GPAT3: variants seen among roughly 807,000 people sequenced by gnomAD.
GPAT3 encodes glycerol-3-phosphate acyltransferase 3.
Under a neutral mutation model 58.8 loss-of-function variants are expected in GPAT3, and 53 were observed. The observed-to-expected ratio is 0.90, with a 90% CI of 0.72 to 1.13. GPAT3 has a LOEUF of 1.13. GPAT3 is among the 50% of genes most tolerant of loss of function. The pLI is 0.00. For missense variants in GPAT3, 511 were observed against 527.6 expected (o/e 0.97, Z 0.31); for synonymous variants, 197 against 187.4 (o/e 1.05, Z -0.42).
intron 11 of GPAT3, among the ~76,000 whole-genome samples, chr4:83,600,007 T>C (rs1726996398): frequency 6.6e-6 from 1 of 152,188 alleles, no homozygotes; most frequent in South Asian, 2.1e-4. Flanking sequence ...GTCTCTCTCT[T>C]TCTCAAAATA....
intron 2 of GPAT3, among the ~76,000 whole-genome samples, chr4:83,556,741 C>T (rs908557215): frequency 5.6e-5 from 8 of 143,860 alleles, no homozygotes; most frequent in African/African-American, 1.5e-4. Context: ...CTGGAATATG[C>T]AATGATGAAA....
chr4:83,573,012 CAT>C (rs138999319), intron 2 of GPAT3, among the ~76,000 whole-genome samples: 2,007 of 152,238 alleles, frequency 0.013, 46 homozygotes, highest in African/African-American at 0.046. Flanking sequence ...CAGTAATTAA[CAT>C]ATTAACATAT....
At chr4:83,597,758 A>G (rs749709448) in intron 9 of GPAT3, among the ~76,000 whole-genome samples, 2 of 151,444 alleles carry the variant, frequency 1.3e-5, no homozygotes, top group Non-Finnish European at 2.9e-5. Context: ...AGTGAAACAG[A>G]TTCTGTTCCT....
At chr4:83,550,768 T>A (rs1199660255) in intron 2 of GPAT3, among the ~76,000 whole-genome samples, 7 of 152,242 alleles carry the variant, frequency 4.6e-5, no homozygotes, top group African/African-American at 1.2e-4. Context: ...ATTTATTTTT[T>A]AATTTTTTGC....
intron 2 of GPAT3, among the ~76,000 whole-genome samples, chr4:83,575,156 G>A (rs1014392025): frequency 3.3e-5 from 5 of 151,830 alleles, no homozygotes; most frequent in Non-Finnish European, 5.9e-5. Flanking sequence ...GATTACAGGC[G>A]TGAGCCACCG....
At chr4:83,558,381 A>G (rs1488462458) in intron 2 of GPAT3, among the ~76,000 whole-genome samples, 5 of 152,228 alleles carry the variant, frequency 3.3e-5, no homozygotes. Flanking sequence ...GCAGAGGTTT[A>G]GACAACCAGT....
intron 2 of GPAT3, among the ~76,000 whole-genome samples, chr4:83,547,987 C>G (rs558282397): frequency 6.6e-6 from 1 of 151,938 alleles, no homozygotes; most frequent in Non-Finnish European, 1.5e-5. Context: ...ATATCTTACT[C>G]TTCTAAGCTT....
chr4:83,567,354 A>T (rs965003661), intron 2 of GPAT3, among the ~76,000 whole-genome samples: 10 of 152,186 alleles, frequency 6.6e-5, no homozygotes, highest in Admixed American at 5.9e-4. Context: ...ATTAAGAGTG[A>T]ATGTTGAATT....
intron 2 of GPAT3, among the ~76,000 whole-genome samples, chr4:83,569,677 G>A (rs141863132): frequency 1.4e-4 from 21 of 152,320 alleles, no homozygotes; most frequent in East Asian, 7.7e-4. Flanking sequence ...CTTGGACAAC[G>A]TGGACCTGGC....
At chr4:83,544,646 G>T (rs1209259885) in intron 2 of GPAT3, 44 bp downstream of exon 2, 1 of 1,590,526 alleles carries the variant, frequency 6.3e-7, no homozygotes, top group East Asian at 2.2e-5. Context: ...ATTTAAATTG[G>T]GTGGATGTAA....
chr4:83,543,398 T>C (rs1339133164), intron 1 of GPAT3, among the ~76,000 whole-genome samples: 1 of 152,220 alleles, frequency 6.6e-6, no homozygotes, highest in Non-Finnish European at 1.5e-5. Flanking sequence ...TGAACTATGA[T>C]GTTAATAGTG....
At chr4:83,600,879 T>C (rs768333232) in intron 11 of GPAT3, among the ~76,000 whole-genome samples, 1 of 152,162 alleles carries the variant, frequency 6.6e-6, no homozygotes, top group Non-Finnish European at 1.5e-5. Context: ...TCAAGTCCTA[T>C]ACAGTTAATA....
chr4:83,597,438 A>C lies in GPAT3; in HGVS notation c.919A>C (p.Ile307Leu). 6.5e-7 allele frequency: 1 copy of C among 1,548,602 alleles called. No individual in the cohort carries two copies. The highest frequency in any genetic ancestry group is 8.7e-7 in the Non-Finnish European group (1 of 1,146,912). Reference sequence around the variant, plus strand: ...CCCTCACCCCCTTGCAGGAACTTGCATCAACAATACTTCAGTCATGATGTT... The same window carrying C: ...CCCTCACCCCCTTGCAGGAACTTGCCTCAACAATACTTCAGTCATGATGTT... ...PILIFPEGTC[I>L]NNTSVMMFKK... Residue 307 changes from isoleucine to leucine, a missense_variant, in exon 9 of 12, where the codon ATC (isoleucine) becomes CTC (leucine). Transcript: ENST00000264409.
chr4:83,564,401 G>A (rs1379058034), intron 2 of GPAT3, among the ~76,000 whole-genome samples: 1 of 152,074 alleles, frequency 6.6e-6, no homozygotes, highest in Admixed American at 6.6e-5. Context: ...ACCTTCTCAT[G>A]TATTAAAATG....
chr4:83,578,921 TTTTC>T lies in GPAT3; in HGVS notation c.209-2625_209-2622del, dbSNP rs1207311492. Among the ~76,000 whole-genome samples, 121 of 39,444 alleles carry T rather than the reference TTTTC, an allele frequency of 3.1e-3. 3 individuals are homozygous for T. The highest frequency in any genetic ancestry group is 0.014 in the South Asian group (7 of 498). The allele number at this position is 39,444 out of a possible 152,430, so 25.9% of individuals were successfully genotyped here. A position where few individuals can be genotyped will look rare whatever the true frequency, so the allele number is the denominator to read the frequency against. On this transcript the variant is annotated intron_variant, in intron 2 of 11. Transcript: ENST00000264409. Reference sequence around the variant, plus strand: ...TCTTTCTTTTCTTTTTTCTTTTTTCTTTTCTTTCTTTCTTTCTTTTCTTTTCTTT... The same window carrying T: ...TCTTTCTTTTCTTTTTTCTTTTTTCTTTTCTTTCTTTCTTTTCTTTTCTTT...
intron 3 of GPAT3, among the ~76,000 whole-genome samples, chr4:83,583,694 AAAAT>A (rs1726255046): frequency 6.6e-6 from 1 of 150,376 alleles, no homozygotes; most frequent in Admixed American, 6.7e-5. Context: ...AAAAAAAAAA[AAAAT>A]GAAGCTGGGC....
At chr4:83,593,897 G>GT (rs1305936007) in intron 6 of GPAT3, among the ~76,000 whole-genome samples, 8 of 152,070 alleles carry the variant, frequency 5.3e-5, no homozygotes, top group African/African-American at 1.9e-4. Flanking sequence ...AATATGTAGG[G>GT]TATCAATATG....
chr4:83,588,295 A>T lies in GPAT3; in HGVS notation c.640A>T (p.Asn214Tyr). Residue 214 changes from asparagine to tyrosine, a missense_variant, in exon 5 of 12, where the codon AAC becomes TAC. By Grantham distance (143) the Asn-to-Tyr change is moderately radical. Transcript: ENST00000264409. ...CCTCTCTGGTACCATTCATTATCATAACAAGTGAGTATCTGCTCCAATGTG... is the reference window on the plus strand; with the variant it reads ...CCTCTCTGGTACCATTCATTATCATTACAAGTGAGTATCTGCTCCAATGTG... The part of the protein sequence containing the change: ...RALSGTIHYH[N>Y]KQYRPQKGGI... The T allele has an allele frequency of 6.4e-7, 1 of 1,558,136 alleles. No individual in the cohort carries two copies. Among genetic ancestry groups the T allele is most frequent in the East Asian group, 2.3e-5 (1 of 42,858 alleles).
At chr4:83,587,359 A>G in intron 4 of GPAT3, 30 bp downstream of exon 4, 3 of 1,572,838 alleles carry the variant, frequency 1.9e-6, no homozygotes, top group Non-Finnish European at 2.6e-6. Flanking sequence ...CCAGCCATAT[A>G]TAGGACTGTC....
Sources: gnomAD v4.1 joint callset for allele counts (sites outside exome capture counted in the v4.1 genomes callset) on GRCh38, gnomAD v4.1.1 for gene constraint, MANE v1.5 for transcripts, NCBI Gene and HGNC (gene_info 2026-07-23, HGNC 2026-07-21) for gene names.